The following RBFOX3 variants were observed in gnomAD, a reference collection of about 807,000 sequenced individuals.
RBFOX3 encodes the protein RNA binding fox-1 homolog 3, also known as RNA binding protein fox-1 homolog 3.
RBFOX3 carries 17 observed loss-of-function variants against 48.7 expected under a neutral mutation model. The ratio of observed to expected loss-of-function variants is 0.35; its 90% CI spans 0.24 to 0.52. The LOEUF (loss-of-function observed/expected upper bound fraction) is 0.52, where lower values mean the gene tolerates loss of function less well. Among genes scored for constraint, RBFOX3 ranks in the 20% least tolerant of loss-of-function variants. The pLI is 0.94. For synonymous variants in RBFOX3, 212 were observed against 209.5 expected (o/e 1.01, Z -0.10); for missense variants, 382 against 497.5 (o/e 0.77, Z 2.21).
chr17:79,344,173 T>C (rs1004238626), intron 2 of RBFOX3, among the ~76,000 whole-genome samples: 7 of 152,324 alleles, frequency 4.6e-5, no homozygotes, highest in African/African-American at 1.7e-4. Flanking sequence ...GGGTTCTATG[T>C]CCCGGGTCCT....
chr17:79,586,262 C>T (rs1453359288), intron 1 of RBFOX3, among the ~76,000 whole-genome samples: 4 of 152,154 alleles, frequency 2.6e-5, no homozygotes, highest in Admixed American at 6.5e-5. Context: ...GACCCAGGCA[C>T]GGACGTGTGA....
intron 1 of RBFOX3, among the ~76,000 whole-genome samples, chr17:79,497,429 G>A (rs1174216998): frequency 2.6e-5 from 4 of 152,178 alleles, no homozygotes; most frequent in Admixed American, 1.3e-4. Context: ...AGCCAATGGA[G>A]CCCAAGCAAT....
In RBFOX3 at chr17:79,090,411, CT is replaced by C; in HGVS notation, c.*471del. 6.3e-6 allele frequency: 1 copy of C among 157,772 alleles called. No individual in the cohort carries two copies. The highest frequency in any genetic ancestry group is 6.4e-5 in the Admixed American group (1 of 15,582). 9.8% of individuals were successfully genotyped at this position (157,772 alleles called of 1,614,324 possible). ...CGCACCCCTCAGCCCCGCCGGCCCC[CT>C]GGCACAGCTGGCCACAAAGATCAAG... On this transcript the variant is annotated 3_prime_UTR_variant, in exon 15 of 15. Transcript: ENST00000693108.
Position 79,196,831 on chromosome 17 carries a change from C to A in RBFOX3, c.-34+38935G>T, listed in dbSNP as rs867692180. Among the ~76,000 whole-genome samples, 66 of 152,284 alleles carry A rather than the reference C, an allele frequency of 4.3e-4. 1 individual carries two copies. The highest frequency in any genetic ancestry group is 1.5e-3 in the African/African-American group (62 of 41,560). ...ATGCTTATTTTCACATCGGGTTTAC[C>A]TTCCTAATTACTGTTTGTTCTGGAT... On this transcript the variant is annotated intron_variant, in intron 4 of 14. Transcript: ENST00000693108.
At chr17:79,145,910 C>T (rs974727299) in intron 4 of RBFOX3, among the ~76,000 whole-genome samples, 11 of 151,992 alleles carry the variant, frequency 7.2e-5, no homozygotes, top group Non-Finnish European at 1.2e-4. Flanking sequence ...TTCCAAAGGC[C>T]GCCGGGGGCA....
chr17:79,304,377 T>C (rs1600523280), intron 3 of RBFOX3, among the ~76,000 whole-genome samples: 1 of 150,754 alleles, frequency 6.6e-6, no homozygotes, highest in East Asian at 1.9e-4. Context: ...GGTATATATG[T>C]ACATATATTT....
At chr17:79,490,383 G>A (rs2080312712) in intron 1 of RBFOX3, among the ~76,000 whole-genome samples, 1 of 152,186 alleles carries the variant, frequency 6.6e-6, no homozygotes, top group South Asian at 2.1e-4. Flanking sequence ...CCCAAGGTCG[G>A]GAGAATGGTT....
intron 3 of RBFOX3, among the ~76,000 whole-genome samples, chr17:79,255,336 C>T (rs1458193604): frequency 1.3e-5 from 2 of 151,896 alleles, no homozygotes; most frequent in Non-Finnish European, 1.5e-5. Flanking sequence ...GGTCTCAGCC[C>T]GGTGGCTGAA....
At chr17:79,236,488 G>A (rs1377028297) in intron 3 of RBFOX3, among the ~76,000 whole-genome samples, 4 of 152,022 alleles carry the variant, frequency 2.6e-5, no homozygotes, top group Non-Finnish European at 4.4e-5. Flanking sequence ...CGGGGGTCTC[G>A]CCATGTTGCC....
At chr17:79,348,149 G>A (rs2083219321) in intron 2 of RBFOX3, among the ~76,000 whole-genome samples, 1 of 152,198 alleles carries the variant, frequency 6.6e-6, no homozygotes. Context: ...CAGTCTCCTG[G>A]TCGTCTGCAG....
At chr17:79,521,357 GAC>G (rs2086070901) in intron 1 of RBFOX3, among the ~76,000 whole-genome samples, 1 of 150,624 alleles carries the variant, frequency 6.6e-6, no homozygotes, top group Non-Finnish European at 1.5e-5. Flanking sequence ...CTCACACTCA[GAC>G]ACAGATGCAA....
chr17:79,438,479 T>C (rs2070077045), intron 2 of RBFOX3, among the ~76,000 whole-genome samples: 1 of 152,262 alleles, frequency 6.6e-6, no homozygotes, highest in Non-Finnish European at 1.5e-5. Flanking sequence ...TCCATGGCTC[T>C]GCTCTCCTGG....
intron 4 of RBFOX3, among the ~76,000 whole-genome samples, chr17:79,230,106 G>A (rs889375401): frequency 1.6e-4 from 24 of 152,106 alleles, no homozygotes; most frequent in African/African-American, 4.6e-4. Context: ...CAAGGGGGGT[G>A]CCGCCCAGAG....
At chr17:79,579,229 G>C (rs981661447) in intron 1 of RBFOX3, among the ~76,000 whole-genome samples, 1 of 152,150 alleles carries the variant, frequency 6.6e-6, no homozygotes, top group African/African-American at 2.4e-5. Context: ...TCCCCTGCCC[G>C]AGGCAGCCCA....
rs138984856 is a variant in RBFOX3 at position 79,159,161 on chromosome 17, A to G, written c.-33-43413T>C. The stretch of plus-strand genomic sequence containing the variant: ...AGTGTGAGTTGGGGAGCGGAGACCC[A>G]AAGAGCTGTGCTGGGTGGCCAGGGA... On this transcript the variant is annotated intron_variant, in intron 4 of 14. Transcript: ENST00000693108. Among the ~76,000 whole-genome samples the G allele has an allele frequency of 5.9e-5, 9 of 152,236 alleles. No individual in the cohort carries two copies. The East Asian group carries it at 1.7e-3, about 29-fold the overall frequency.
At chr17:79,608,357 T>C (rs1198584805) in intron 1 of RBFOX3, among the ~76,000 whole-genome samples, 1 of 152,234 alleles carries the variant, frequency 6.6e-6, no homozygotes, top group East Asian at 1.9e-4. Context: ...CCTGGACTCC[T>C]GGCTCCTCCT....
At chr17:79,148,802 G>A (rs569362778) in intron 4 of RBFOX3, among the ~76,000 whole-genome samples, 1 of 152,314 alleles carries the variant, frequency 6.6e-6, no homozygotes, top group South Asian at 2.1e-4. Flanking sequence ...AGCCTCCGAG[G>A]GCCTCTGCGG....
rs1221610482 is a variant in RBFOX3, at chr17:79,170,138, G to GA, written c.-33-54391dup. On this transcript the variant is annotated intron_variant, in intron 4 of 14. Transcript: ENST00000693108. ...AGGAAGGAAGGAAGGAAGGAGGAAG[G>GA]AGGGAAGGAAGGAAGGGAGGAGGAA... Among the ~76,000 whole-genome samples, 752 of 121,308 alleles carry GA rather than the reference G, an allele frequency of 6.2e-3. 8 individuals are homozygous for GA. Among genetic ancestry groups the GA allele is most frequent in the African/African-American group, 0.03 (705 of 23,392 alleles). The allele number at this position is 121,308 out of a possible 152,430, so 79.6% of individuals were successfully genotyped here. A position where few individuals can be genotyped will look rare whatever the true frequency, so the allele number is the denominator to read the frequency against.
rs1408739190 is a variant in RBFOX3 at position 79,090,604 on chromosome 17, C to T, written c.*279G>A. On this transcript the variant is annotated 3_prime_UTR_variant, in exon 15 of 15. Coordinates refer to ENST00000693108, the MANE Select transcript of RBFOX3 (RefSeq NM_001350451.2). ...CCCTTCCCCTCCAACTCCCCCACTGCCTGAGACGGAGGGGCGTGTTCCCAC... is the reference window on the plus strand; with the variant it reads ...CCCTTCCCCTCCAACTCCCCCACTGTCTGAGACGGAGGGGCGTGTTCCCAC... 4.4e-6 allele frequency: 2 copies of T among 455,060 alleles called. No homozygotes were observed. The highest frequency in any genetic ancestry group is 7.9e-5 in the Admixed American group (2 of 25,358). 28.2% of individuals were successfully genotyped at this position (455,060 alleles called of 1,614,324 possible).
Sources: gnomAD v4.1 joint callset for allele counts (sites outside exome capture counted in the v4.1 genomes callset) on GRCh38, gnomAD v4.1.1 for gene constraint, MANE v1.5 for transcripts, NCBI Gene and HGNC (gene_info 2026-07-23, HGNC 2026-07-21) for gene names.